THSD7B: variants seen among roughly 807,000 people sequenced by gnomAD.
THSD7B encodes the protein thrombospondin type 1 domain containing 7B.
In THSD7B, 138 loss-of-function variants were observed where a neutral mutation model predicts 213.6. That is an observed-to-expected ratio of 0.65 (90% CI 0.56 to 0.74). The LOEUF is 0.74. Among genes scored for constraint, THSD7B ranks in the 30% least tolerant of loss-of-function variants. The pLI, the probability that THSD7B is intolerant of heterozygous loss-of-function variation, is 0.00. For synonymous variants in THSD7B, 742 were observed against 687.0 expected (o/e 1.08, Z -1.25); for missense variants, 1,931 against 1,991.5 (o/e 0.97, Z 0.58).
chr2:137,421,891 G>C (rs556355308), intron 14 of THSD7B, among the ~76,000 whole-genome samples: 3 of 152,150 alleles, frequency 2.0e-5, no homozygotes, highest in African/African-American at 7.2e-5. Flanking sequence ...AATATAAATC[G>C]TAACACCACA....
At chr2:137,433,183 G>C (rs983440039) in intron 14 of THSD7B, among the ~76,000 whole-genome samples, 4 of 152,014 alleles carry the variant, frequency 2.6e-5, no homozygotes, top group African/African-American at 9.7e-5. Flanking sequence ...AACAAGATGG[G>C]GGACATTATT....
chr2:137,115,795 A>T (rs1319471448), intron 5 of THSD7B, among the ~76,000 whole-genome samples: 1 of 152,182 alleles, frequency 6.6e-6, no homozygotes, highest in Non-Finnish European at 1.5e-5. Flanking sequence ...CTCCATAATA[A>T]GCTCTCTAAT....
intron 3 of THSD7B, among the ~76,000 whole-genome samples, chr2:137,073,297 A>G (rs1687540236): frequency 6.6e-6 from 1 of 152,116 alleles, no homozygotes; most frequent in South Asian, 2.1e-4. Flanking sequence ...TTATTGTTCT[A>G]TTCAGAGATT....
chr2:137,444,428 T>G (rs1687484185), intron 14 of THSD7B, among the ~76,000 whole-genome samples: 1 of 152,034 alleles, frequency 6.6e-6, no homozygotes, highest in Admixed American at 6.6e-5. Context: ...TTCTTCACCT[T>G]TCCCAAACAA....
intron 12 of THSD7B, among the ~76,000 whole-genome samples, chr2:137,289,217 A>C (rs919425842): frequency 6.6e-6 from 1 of 151,990 alleles, no homozygotes; most frequent in African/African-American, 2.4e-5. Context: ...ATTCATTGTT[A>C]TATGAATAAA....
intron 8 of THSD7B, 65 bp from the exon 9 acceptor site, chr2:137,232,834 A>C: frequency 6.8e-7 from 1 of 1,472,060 alleles, no homozygotes; most frequent in Non-Finnish European, 9.4e-7. Flanking sequence ...CCATTAAAGC[A>C]GCAGAAACAA....
chr2:137,033,147 A>C (rs1169674392), intron 2 of THSD7B, among the ~76,000 whole-genome samples: 3 of 152,208 alleles, frequency 2.0e-5, no homozygotes, highest in African/African-American at 7.2e-5. Context: ...TGGCCCTAAA[A>C]ATATTATTGT....
chr2:137,114,225 C>T (rs145682345), intron 4 of THSD7B, among the ~76,000 whole-genome samples: 31 of 152,216 alleles, frequency 2.0e-4, no homozygotes. Context: ...GTTACTTAGG[C>T]TTTGTTTATT....
At chr2:137,361,994 T>C (rs1364949866) in intron 12 of THSD7B, among the ~76,000 whole-genome samples, 1 of 151,962 alleles carries the variant, frequency 6.6e-6, no homozygotes, top group African/African-American at 2.4e-5. Flanking sequence ...AAAGGTCAGG[T>C]TACCCACAAA....
At chr2:137,411,921 C>G (rs763001083) in intron 14 of THSD7B, 49 bp downstream of exon 14, 3 of 1,594,262 alleles carry the variant, frequency 1.9e-6, no homozygotes, top group Non-Finnish European at 2.6e-6. Flanking sequence ...ACACACAGCT[C>G]GGGAGGTTTG....
chr2:137,142,351 G>C (rs1679603259), intron 5 of THSD7B, among the ~76,000 whole-genome samples: 1 of 152,116 alleles, frequency 6.6e-6, no homozygotes, highest in South Asian at 2.1e-4. Flanking sequence ...AATGACATTA[G>C]TTCATTCATG....
intron 14 of THSD7B, among the ~76,000 whole-genome samples, chr2:137,443,886 T>C (rs572332793): frequency 6.6e-6 from 1 of 152,234 alleles, no homozygotes; most frequent in East Asian, 1.9e-4. Context: ...TTTTTGTCAA[T>C]TAATTGTTTG....
intron 2 of THSD7B, among the ~76,000 whole-genome samples, chr2:137,025,095 T>A (rs1273855401): frequency 5.3e-5 from 8 of 152,182 alleles, no homozygotes; most frequent in Admixed American, 5.2e-4. Flanking sequence ...ACTCTTCTGC[T>A]GAGAGTTCCC....
intron 15 of THSD7B, among the ~76,000 whole-genome samples, chr2:137,487,123 C>T (rs553546959): frequency 1.3e-5 from 2 of 150,102 alleles, no homozygotes; most frequent in East Asian, 3.9e-4. Flanking sequence ...AATCCCAGCA[C>T]TTTGGGAGGC....
At chr2:137,501,338 A>G (rs1261208888) in intron 15 of THSD7B, among the ~76,000 whole-genome samples, 1 of 152,176 alleles carries the variant, frequency 6.6e-6, no homozygotes, top group African/African-American at 2.4e-5. Flanking sequence ...AAGTATCTGA[A>G]TACAAGCCCA....
At chr2:137,006,399 A>AATAC (rs60604756) in intron 2 of THSD7B, among the ~76,000 whole-genome samples, 8,851 of 149,420 alleles carry the variant, frequency 0.059, 285 homozygotes, top group East Asian at 0.093. Context: ...CGTCTCAAGA[A>AATAC]ATACATACAT....
intron 12 of THSD7B, among the ~76,000 whole-genome samples, chr2:137,361,528 A>C (rs1685258770): frequency 6.6e-6 from 1 of 152,142 alleles, no homozygotes. Flanking sequence ...CAGTGTAGAG[A>C]AGACGTTAAA....
chr2:137,568,833 A>G (rs899075252), intron 16 of THSD7B, among the ~76,000 whole-genome samples: 1 of 152,208 alleles, frequency 6.6e-6, no homozygotes, highest in Non-Finnish European at 1.5e-5. Context: ...GGGGACACCA[A>G]GCCTAACCAT....
intron 12 of THSD7B, among the ~76,000 whole-genome samples, chr2:137,304,780 A>G (rs1333066733): frequency 6.6e-6 from 1 of 151,664 alleles, no homozygotes; most frequent in East Asian, 1.9e-4. Flanking sequence ...TTGTTTGTTT[A>G]TTTGTTTAAC....
Sources: gnomAD v4.1 joint callset for allele counts (sites outside exome capture counted in the v4.1 genomes callset) on GRCh38, gnomAD v4.1.1 for gene constraint, MANE v1.5 for transcripts, NCBI Gene and HGNC (gene_info 2026-07-23, HGNC 2026-07-21) for gene names.